Variants in ZNF704 observed in about 807,000 individuals in gnomAD.
ZNF704 encodes glucocorticoid induced gene 1.
A neutral mutation model predicts 44.7 loss-of-function variants in ZNF704; 10 were observed. The observed-to-expected ratio is 0.22, with a 90% CI of 0.14 to 0.38. The LOEUF is 0.38. ZNF704 is among the 10% of genes least tolerant of loss of function. The probability of loss-of-function intolerance (pLI) is 1.00; values close to 1 mark genes in which losing one functional copy is unlikely to be tolerated. For synonymous variants in ZNF704, 211 were observed against 207.6 expected (o/e 1.02, Z -0.14); for missense variants, 390 against 545.5 (o/e 0.71, Z 2.84).
intron 2 of ZNF704, among the ~76,000 whole-genome samples, chr8:80,793,428 C>T (rs1028939226): frequency 5.9e-5 from 9 of 152,080 alleles, no homozygotes; most frequent in Admixed American, 3.9e-4. Context: ...TAATACAATT[C>T]ATTCATTAAA....
At chr8:80,653,550 A>C (rs1478052476) in intron 7 of ZNF704, among the ~76,000 whole-genome samples, 1 of 122,622 alleles carries the variant, frequency 8.2e-6, no homozygotes, top group Non-Finnish European at 1.7e-5. Context: ...CCAATAACAG[A>C]CAAACAGAGA....
At chr8:80,791,548 T>C (rs777734290) in intron 2 of ZNF704, among the ~76,000 whole-genome samples, 25 of 152,318 alleles carry the variant, frequency 1.6e-4, no homozygotes, top group Admixed American at 6.5e-4. Context: ...AACCACAGTC[T>C]TAATAGCAGA....
At chr8:80,846,903 T>C (rs896793163) in intron 1 of ZNF704, among the ~76,000 whole-genome samples, 1 of 152,194 alleles carries the variant, frequency 6.6e-6, no homozygotes, top group Non-Finnish European at 1.5e-5. Context: ...TTGGGCACAG[T>C]GGCTCACGCC....
intron 2 of ZNF704, among the ~76,000 whole-genome samples, chr8:80,728,279 G>T (rs1400075340): frequency 6.6e-6 from 1 of 152,180 alleles, no homozygotes; most frequent in South Asian, 2.1e-4. Context: ...TCAGAGCTGT[G>T]GGCCCAAAGC....
intron 1 of ZNF704, among the ~76,000 whole-genome samples, chr8:80,823,294 G>T (rs190214307): frequency 1.4e-4 from 21 of 152,330 alleles, no homozygotes; most frequent in African/African-American, 4.3e-4. Flanking sequence ...GGCTCGGAGG[G>T]TCCCACACCC....
At chr8:80,874,809 G>A (rs985323627), upstream of ZNF704, 1 of 152,190 alleles carries the variant, frequency 6.6e-6, no homozygotes, top group African/African-American at 2.4e-5. The surrounding 1 kb of genome is among the most constrained non-coding windows in gnomAD (Gnocchi z 4.4). Flanking sequence ...ACCAATCTGA[G>A]GTTTGGGATG....
rs1194687501 is a variant in ZNF704 at position 80,874,314 on chromosome 8, TGCCGCCTCCGCCGCCGCC to T, written c.-22+239_-22+256del. Among the ~76,000 whole-genome samples the T allele has an allele frequency of 7.0e-6, 1 of 143,484 alleles. No individual in the cohort carries two copies. Among genetic ancestry groups the T allele is most frequent in the African/African-American group, 2.5e-5 (1 of 39,970 alleles). The allele number at this position is 143,484 out of a possible 152,430, so 94.1% of individuals were successfully genotyped here. A position where few individuals can be genotyped will look rare whatever the true frequency, so the allele number is the denominator to read the frequency against. The stretch of plus-strand genomic sequence containing the variant: ...GGGTGGGTGTGAGCGAGCGGCGCGC[TGCCGCCTCCGCCGCCGCC>T]GCCGCCGCCCGGGAGCCGCGGGCCG... On this transcript the variant is annotated intron_variant, in intron 1 of 8. Coordinates refer to ENST00000327835, the MANE Select transcript of ZNF704 (RefSeq NM_001033723.3). This position sits in a 1 kb window ranked among gnomAD's most constrained non-coding sequence, Gnocchi z 4.4.
chr8:80,740,260 T>G (rs1806734590), intron 2 of ZNF704, among the ~76,000 whole-genome samples: 1 of 152,164 alleles, frequency 6.6e-6, no homozygotes, highest in Non-Finnish European at 1.5e-5. Flanking sequence ...ATTATACACC[T>G]GAACATAGGA....
chr8:80,782,897 G>C (rs1230832128), intron 2 of ZNF704, among the ~76,000 whole-genome samples: 2 of 151,982 alleles, frequency 1.3e-5, no homozygotes, highest in East Asian at 3.9e-4. Context: ...TTTGGTTGTG[G>C]ACATGGAACC....
At chr8:80,875,738 G>A (rs1356955959), upstream of ZNF704, among the ~76,000 whole-genome samples, 1 of 152,226 alleles carries the variant, frequency 6.6e-6, no homozygotes, top group Non-Finnish European at 1.5e-5. Context: ...TTCACCTTCA[G>A]TTAATTATTG....
At chr8:80,799,824 T>C (rs545276092) in intron 2 of ZNF704, among the ~76,000 whole-genome samples, 2 of 152,262 alleles carry the variant, frequency 1.3e-5, no homozygotes, top group African/African-American at 4.8e-5. Context: ...GATGGCTGAA[T>C]TGACAGAAGT....
rs1228975966 is a variant in ZNF704 at position 80,634,480 on chromosome 8, G to A, written c.*6886C>T. ...TCCACTTTTCCCAATAGTTGAAACT[G>A]GGGGCTGCAGGCTGCACCTGTCTGT... On this transcript the variant is annotated 3_prime_UTR_variant, in exon 9 of 9. Transcript: ENST00000327835. 1 of 152,282 alleles carries A rather than the reference G, an allele frequency of 6.6e-6. No individual in the cohort carries two copies. The allele number at this position is 152,282 out of a possible 1,614,324, so 9.4% of individuals were successfully genotyped here. A position where few individuals can be genotyped will look rare whatever the true frequency, so the allele number is the denominator to read the frequency against.
intron 6 of ZNF704, among the ~76,000 whole-genome samples, chr8:80,664,446 T>C (rs2131609545): frequency 6.6e-6 from 1 of 152,082 alleles, no homozygotes; most frequent in South Asian, 2.1e-4. Flanking sequence ...TAATTTTGTA[T>C]TTTTAGTAGA....
At chr8:80,694,241 A>G (rs1818689134) in intron 2 of ZNF704, 1 of 152,226 alleles carries the variant, frequency 6.6e-6, no homozygotes. Flanking sequence ...GTTAAAGTGA[A>G]GAGCCACTGG....
chr8:80,751,842 G>A (rs902787211), intron 2 of ZNF704, among the ~76,000 whole-genome samples: 1 of 152,178 alleles, frequency 6.6e-6, no homozygotes, highest in African/African-American at 2.4e-5. Flanking sequence ...CCACCTCCTG[G>A]GTTCAAGCGA....
rs899135150 is a variant in ZNF704, at chr8:80,629,377, T to C, written c.*11989A>G. On this transcript the variant is annotated 3_prime_UTR_variant, in exon 9 of 9. Coordinates refer to ENST00000327835, the MANE Select transcript of ZNF704 (RefSeq NM_001033723.3). ...TAATTAGGTAGCAAACAATCCAGTA[T>C]AACCTTAAGTACCAGGTTTAGAAAT... 2.6e-5 allele frequency: 4 copies of C among 152,230 alleles called. No individual in the cohort carries two copies. The highest frequency in any genetic ancestry group is 9.6e-5 in the African/African-American group (4 of 41,462). The allele number at this position is 152,230 out of a possible 1,614,324, so 9.4% of individuals were successfully genotyped here. A position where few individuals can be genotyped will look rare whatever the true frequency, so the allele number is the denominator to read the frequency against.
chr8:80,775,345 A>G (rs1436630721), intron 2 of ZNF704, among the ~76,000 whole-genome samples: 4 of 152,370 alleles, frequency 2.6e-5, no homozygotes, highest in African/African-American at 9.6e-5. Context: ...TTTTAAAATT[A>G]GAATATAAAC....
In ZNF704 at chr8:80,781,998, C is replaced by G. The variant is rs540022489; in HGVS notation, c.221+39376G>C. On this transcript the variant is annotated intron_variant, in intron 2 of 8. Transcript: ENST00000327835. ...GTTAAATGTAATTAGCAATAAATGGCTTTTGCTATATCTCATAATGTTGAA... is the reference window on the plus strand; with the variant it reads ...GTTAAATGTAATTAGCAATAAATGGGTTTTGCTATATCTCATAATGTTGAA... Among the ~76,000 whole-genome samples the G allele has an allele frequency of 1.8e-4, 28 of 152,260 alleles. No homozygotes were observed. In the South Asian group the frequency reaches 5.4e-3, roughly 29 times the overall value.
intron 2 of ZNF704, among the ~76,000 whole-genome samples, chr8:80,776,089 A>G (rs1470937804): frequency 6.6e-6 from 1 of 152,218 alleles, no homozygotes; most frequent in Non-Finnish European, 1.5e-5. Flanking sequence ...ACCATAATTA[A>G]TTCTCTAAGT....
Sources: gnomAD v4.1 joint callset for allele counts (sites outside exome capture counted in the v4.1 genomes callset) on GRCh38, gnomAD v4.1.1 for gene constraint, Gnocchi (gnomAD v3.1) non-coding constraint, MANE v1.5 for transcripts, NCBI Gene and HGNC (gene_info 2026-07-23, HGNC 2026-07-21) for gene names.